Variants in PRDM5 observed in about 807,000 individuals in gnomAD.
The protein encoded by PRDM5 is PR/SET domain 5.
Under a neutral mutation model 81.2 loss-of-function variants are expected in PRDM5, and 56 were observed. That is an observed-to-expected ratio of 0.69 (90% CI 0.56 to 0.86). PRDM5 has a LOEUF of 0.86. Among genes scored for constraint, PRDM5 ranks in the 40% least tolerant of loss-of-function variants. The probability of loss-of-function intolerance (pLI) is 0.00; values close to 1 mark genes in which losing one functional copy is unlikely to be tolerated. For synonymous variants in PRDM5, 267 were observed against 256.4 expected (o/e 1.04, Z -0.39); for missense variants, 697 against 770.1 (o/e 0.91, Z 1.12).
chr4:120,797,492 G>T (rs1402514433), intron 10 of PRDM5, among the ~76,000 whole-genome samples: 1 of 152,140 alleles, frequency 6.6e-6, no homozygotes, highest in African/African-American at 2.4e-5. Flanking sequence ...GGATGACTGT[G>T]AAAGTGATGA....
At chr4:120,747,904 C>T (rs1338305078) in intron 14 of PRDM5, among the ~76,000 whole-genome samples, 1 of 152,154 alleles carries the variant, frequency 6.6e-6, no homozygotes, top group African/African-American at 2.4e-5. Context: ...AAATAACTTT[C>T]TAATTGGCCC....
downstream of PRDM5, among the ~76,000 whole-genome samples, chr4:120,684,422 C>G (rs1733763490): frequency 6.6e-6 from 1 of 152,116 alleles, no homozygotes; most frequent in East Asian, 1.9e-4. Context: ...AAATCCACTT[C>G]TCCTGGAGTC....
intron 2 of PRDM5, among the ~76,000 whole-genome samples, chr4:120,880,020 C>G (rs984003961): frequency 1.3e-5 from 2 of 151,992 alleles, no homozygotes; most frequent in East Asian, 1.9e-4. Context: ...AACTATAGAT[C>G]TCAATAATAA....
intron 10 of PRDM5, among the ~76,000 whole-genome samples, chr4:120,791,327 ATAT>A (rs1750543633): frequency 6.6e-6 from 1 of 152,214 alleles, no homozygotes; most frequent in Non-Finnish European, 1.5e-5. Flanking sequence ...CCTGCAAATC[ATAT>A]GTTAAGGCAA....
chr4:120,784,182 A>T (rs1417718464), intron 11 of PRDM5, among the ~76,000 whole-genome samples: 1 of 152,108 alleles, frequency 6.6e-6, no homozygotes, highest in Non-Finnish European at 1.5e-5. Flanking sequence ...TGGCAATAAC[A>T]TGTTCTTCTC....
intron 3 of PRDM5, among the ~76,000 whole-genome samples, chr4:120,844,663 A>C (rs1758443672): frequency 1.3e-5 from 2 of 152,142 alleles, no homozygotes; most frequent in African/African-American, 4.8e-5. Flanking sequence ...CCTGAGACAC[A>C]ACAATACTGA....
chr4:120,871,829 G>A (rs1479201838), intron 2 of PRDM5, among the ~76,000 whole-genome samples: 3 of 151,718 alleles, frequency 2.0e-5, no homozygotes, highest in African/African-American at 7.3e-5. Context: ...GTGCCATGTT[G>A]ATAGGATTGT....
chr4:120,822,832 T>C (rs977829482), intron 3 of PRDM5, among the ~76,000 whole-genome samples: 2 of 152,350 alleles, frequency 1.3e-5, no homozygotes, highest in African/African-American at 4.8e-5. Flanking sequence ...AATCTAATCA[T>C]GTGCTACACT....
chr4:120,895,358 G>A (rs1347225994), intron 2 of PRDM5: 1 of 152,072 alleles, frequency 6.6e-6, no homozygotes, highest in Non-Finnish European at 1.5e-5. Context: ...CCAGATCAGG[G>A]AGAGAGAGAG....
chr4:120,902,770 T>C (rs1765361432), intron 2 of PRDM5, among the ~76,000 whole-genome samples: 1 of 152,150 alleles, frequency 6.6e-6, no homozygotes, highest in Non-Finnish European at 1.5e-5. Flanking sequence ...TGATGGCCAA[T>C]ACAGAAAGTA....
rs184324906 is a variant in PRDM5, at chr4:120,684,949, G to A, written n.180C>T. On this transcript the variant is annotated non_coding_transcript_exon_variant, in exon 2 of 2. Coordinates refer to the PRDM5 transcript ENST00000513741. ...TTCTTCCCCCAAAATATCAGCTGAAGTTAGCCATAATGCATAAATGACAAA... is the reference window on the plus strand; with the variant it reads ...TTCTTCCCCCAAAATATCAGCTGAAATTAGCCATAATGCATAAATGACAAA... 45 of 152,010 alleles carry A rather than the reference G, an allele frequency of 3.0e-4. No individual in the cohort carries two copies. The East Asian group carries it at 5.6e-3, about 19-fold the overall frequency. 9.4% of individuals were successfully genotyped at this position (152,010 alleles called of 1,614,324 possible). A position where few individuals can be genotyped will look rare whatever the true frequency, so the allele number is the denominator to read the frequency against.
chr4:120,773,176 A>G (rs912129526), intron 13 of PRDM5, among the ~76,000 whole-genome samples: 1 of 152,240 alleles, frequency 6.6e-6, no homozygotes, highest in Non-Finnish European at 1.5e-5. Flanking sequence ...TTCATGAAAC[A>G]TCATTTTTAT....
chr4:120,859,987 G>C (rs572623843), intron 2 of PRDM5, among the ~76,000 whole-genome samples: 1 of 152,232 alleles, frequency 6.6e-6, no homozygotes, highest in East Asian at 1.9e-4. Flanking sequence ...CTCTGACCTA[G>C]GCACTCTTTC....
chr4:120,751,048 G>A (rs1239721630), intron 14 of PRDM5, among the ~76,000 whole-genome samples: 3 of 152,032 alleles, frequency 2.0e-5, no homozygotes, highest in Non-Finnish European at 4.4e-5. Flanking sequence ...AATAGTATCT[G>A]TTTTGAACTG....
In PRDM5 at chr4:120,818,510, C is replaced by G. The variant is rs747041753; in HGVS notation, c.493G>C (p.Glu165Gln). The change falls in exon 5 of 16, where the codon GAG becomes CAG. Residue 165 changes from glutamate to glutamine, a missense_variant. Glu to Gln is a conservative substitution (Grantham distance 29, BLOSUM62 2). Transcript: ENST00000264808. Reference protein sequence around the residue: ...AGRKDRLGCKEDYACPQCESS... With the variant: ...AGRKDRLGCKQDYACPQCESS... ...TCACATTGAGGACAAGCATAGTCCT[C>G]TTTACAGCCAAGGCGATCTGCACAT... 1 of 1,613,476 alleles carries G rather than the reference C, an allele frequency of 6.2e-7. No homozygotes were observed.
At chr4:120,892,797 G>C (rs72923564) in intron 2 of PRDM5, among the ~76,000 whole-genome samples, 103 of 152,352 alleles carry the variant, frequency 6.8e-4, no homozygotes, top group African/African-American at 2.5e-3. Context: ...CCACTGACTA[G>C]CTGGCAGCTC....
Position 120,812,492 on chromosome 4 carries a change from G to A in PRDM5, c.866-1043C>T, listed in dbSNP as rs554294071. ...AACTAGGGTGAGATGATATCTCACT[G>A]TAGTTTTGATTTGCATTTTTTTCTG... On this transcript the variant is annotated intron_variant, in intron 7 of 15. Transcript: ENST00000264808. The A allele has an allele frequency of 1.3e-4, 23 of 171,600 alleles. No homozygotes were observed. In the East Asian group the frequency reaches 3.0e-3, roughly 22 times the overall value. 10.6% of individuals were successfully genotyped at this position (171,600 alleles called of 1,614,324 possible). A position where few individuals can be genotyped will look rare whatever the true frequency, so the allele number is the denominator to read the frequency against.
At chr4:120,794,514 AAC>A (rs70948364) in intron 10 of PRDM5, among the ~76,000 whole-genome samples, 2,865 of 143,606 alleles carry the variant, frequency 0.02, 43 homozygotes, top group African/African-American at 0.031. Context: ...TCCAAAATCT[AAC>A]ACACACACAC....
chr4:120,688,775 T>C (rs35821073), downstream of PRDM5, among the ~76,000 whole-genome samples: 26,232 of 152,174 alleles, frequency 0.17, 2,591 homozygotes, highest in Non-Finnish European at 0.24. Context: ...ATCATTTAGC[T>C]GTATACATGA....
Sources: allele counts gnomAD v4.1 joint callset (sites outside exome capture counted in the v4.1 genomes callset), GRCh38; gene constraint gnomAD v4.1.1; transcripts MANE v1.5; gene names NCBI Gene and HGNC (gene_info 2026-07-23, HGNC 2026-07-21).